Variants in CDH7 observed in about 807,000 individuals in gnomAD.
CDH7 encodes the protein cadherin 7, also known as cadherin-7.
Under a neutral mutation model 71.8 loss-of-function variants are expected in CDH7, and 25 were observed. The ratio of observed to expected loss-of-function variants is 0.35; its 90% CI spans 0.25 to 0.49. CDH7 has a LOEUF of 0.49. CDH7 is among the 20% of genes least tolerant of loss of function. CDH7 has a pLI of 0.99. For synonymous variants in CDH7, 381 were observed against 363.8 expected (o/e 1.05, Z -0.54); for missense variants, 862 against 974.6 (o/e 0.88, Z 1.54).
At chr18:65,765,418 G>T (rs942696587) in intron 2 of CDH7, among the ~76,000 whole-genome samples, 2 of 151,030 alleles carry the variant, frequency 1.3e-5, no homozygotes, top group Non-Finnish European at 1.5e-5. Flanking sequence ...ACTTAAGTAC[G>T]TTTTTTATTA....
In CDH7 at chr18:65,822,147, A is replaced by G; in HGVS notation, c.692A>G (p.Gln231Arg). ...EAKDQYLLVI[Q>R]AKDMVGQNGG... ...AAAGACCAGTATTTGCTTGTCATTC[A>G]GGCAAAGGATATGGTTGGTCAAAAT... is the stretch of plus-strand genomic sequence containing the variant. Residue 231 changes from glutamine (Q) to arginine (R), a missense_variant, in exon 5 of 12, where the codon CAG becomes CGG. Gln to Arg is a conservative substitution (Grantham distance 43, BLOSUM62 1). Transcript: ENST00000397968. 1 of 1,612,430 alleles carries G rather than the reference A, an allele frequency of 6.2e-7. No individual in the cohort carries two copies. Among genetic ancestry groups the G allele is most frequent in the Non-Finnish European group, 8.5e-7 (1 of 1,178,536 alleles).
intron 4 of CDH7, among the ~76,000 whole-genome samples, chr18:65,820,117 A>G (rs960819889): frequency 7.9e-6 from 1 of 126,774 alleles, no homozygotes; most frequent in African/African-American, 2.7e-5. Flanking sequence ...CAATAGCAAT[A>G]TAAGTTTATA....
chr18:65,764,937 T>G (rs1244032971), intron 2 of CDH7, among the ~76,000 whole-genome samples: 1 of 152,108 alleles, frequency 6.6e-6, no homozygotes, highest in Non-Finnish European at 1.5e-5. Flanking sequence ...CCTATGTTAC[T>G]TAAATTCCAT....
At chr18:65,786,732 G>A (rs977504890) in intron 2 of CDH7, among the ~76,000 whole-genome samples, 8 of 151,864 alleles carry the variant, frequency 5.3e-5, no homozygotes, top group Admixed American at 6.6e-5. Flanking sequence ...TGCCCAGGCC[G>A]GAGTGCAGTG....
At chr18:65,819,364 C>A (rs1288210155) in intron 4 of CDH7, among the ~76,000 whole-genome samples, 1 of 152,136 alleles carries the variant, frequency 6.6e-6, no homozygotes, top group Non-Finnish European at 1.5e-5. Flanking sequence ...CACTGCTCCA[C>A]AAAGAGCGGT....
chr18:65,829,708 C>T, intron 6 of CDH7, among the ~76,000 whole-genome samples: 1 of 150,312 alleles, frequency 6.7e-6, no homozygotes, highest in South Asian at 2.1e-4. Context: ...CCTATTTTTC[C>T]TTTAAACAAT....
At chr18:65,842,861 T>TTTC (rs397724557) in intron 6 of CDH7, among the ~76,000 whole-genome samples, 4 of 150,790 alleles carry the variant, frequency 2.7e-5, no homozygotes, top group South Asian at 4.2e-4. Context: ...GTTTTTTTTT[T>TTTC]CACTGTTTTT....
intron 11 of CDH7, among the ~76,000 whole-genome samples, chr18:65,878,588 C>T (rs758944110): frequency 7.9e-5 from 12 of 152,108 alleles, no homozygotes; most frequent in Non-Finnish European, 1.6e-4. Flanking sequence ...AGGTGAATAC[C>T]AGACTACTTA....
intron 2 of CDH7, among the ~76,000 whole-genome samples, chr18:65,782,139 T>TCCC (rs1910318303): frequency 9.8e-6 from 1 of 101,738 alleles, no homozygotes; most frequent in African/African-American, 6.0e-5. Context: ...TCTTTCTTTC[T>TCCC]TTCTTTCTTT....
chr18:65,850,261 G>T (rs1263264856), intron 7 of CDH7, among the ~76,000 whole-genome samples: 2 of 149,688 alleles, frequency 1.3e-5, no homozygotes, highest in African/African-American at 4.9e-5. Flanking sequence ...GTAAATCATA[G>T]AGAATTATTC....
In CDH7 at chr18:65,882,102, A is replaced by G. The variant is rs1914249835; in HGVS notation, c.*1208A>G. The G allele has an allele frequency of 1.3e-5, 2 of 152,152 alleles. No homozygotes were observed. The allele number at this position is 152,152 out of a possible 1,614,324, so 9.4% of individuals were successfully genotyped here. On this transcript the variant is annotated 3_prime_UTR_variant, in exon 12 of 12. Transcript: ENST00000397968. ...TATTGAGTAAAATATTGAGTTTTTA[A>G]AAGTCTTAATATAATGTTATAAAAA... is the stretch of plus-strand genomic sequence containing the variant.
At chr18:65,874,085 G>A (rs117246711) in intron 11 of CDH7, among the ~76,000 whole-genome samples, 2,184 of 152,140 alleles carry the variant, frequency 0.014, 24 homozygotes, top group South Asian at 0.044. Flanking sequence ...TAAATCTGTA[G>A]AAAGCAAAGT....
At chr18:65,837,624 G>T (rs1036881793) in intron 6 of CDH7, among the ~76,000 whole-genome samples, 2 of 152,038 alleles carry the variant, frequency 1.3e-5, no homozygotes, top group Non-Finnish European at 1.5e-5. Context: ...GCAGAAAAAA[G>T]ATTTACAATG....
In CDH7 at chr18:65,782,106, CCT is replaced by C. The variant is rs1568182506; in HGVS notation, c.210+19055_210+19056del. On this transcript the variant is annotated intron_variant, in intron 2 of 11. Transcript: ENST00000397968. Reference sequence around the variant, plus strand: ...TCCTTCCTTCCTTCCTTCCTTCCTTCCTTCTTTCTTTCTTTCTTTCTTTCTTT... The same window carrying C: ...TCCTTCCTTCCTTCCTTCCTTCCTTCTCTTTCTTTCTTTCTTTCTTTCTTT... 7.9e-4 allele frequency among the ~76,000 whole-genome samples: 47 copies of C among 59,432 alleles called. 9 individuals carry two copies. The highest frequency in any genetic ancestry group is 0.01 in the Middle Eastern group (1 of 100). The allele number at this position is 59,432 out of a possible 152,430, so 39.0% of individuals were successfully genotyped here.
chr18:65,773,209 T>C (rs1452998663), intron 2 of CDH7, among the ~76,000 whole-genome samples: 9 of 152,124 alleles, frequency 5.9e-5, no homozygotes, highest in Admixed American at 5.9e-4. Context: ...ATCTTGGAAT[T>C]CACCAAAAAG....
Position 65,824,842 on chromosome 18 carries a change from C to A in CDH7, c.981+11C>A, listed in dbSNP as rs765041563. On this transcript the variant is annotated intron_variant, in intron 6 of 11. Coordinates refer to ENST00000397968, the MANE Select transcript of CDH7 (RefSeq NM_004361.5). ...ATTACTATACAGAAGGTAATGTTTTCTTTATTTATCTTTTATCACAGATTA... is the reference window on the plus strand; with the variant it reads ...ATTACTATACAGAAGGTAATGTTTTATTTATTTATCTTTTATCACAGATTA... The A allele has an allele frequency of 6.5e-7, 1 of 1,545,056 alleles. No individual in the cohort carries two copies. The highest frequency in any genetic ancestry group is 1.2e-5 in the South Asian group (1 of 84,440).
chr18:65,785,715 T>C (rs1312786485), intron 2 of CDH7, among the ~76,000 whole-genome samples: 1 of 152,150 alleles, frequency 6.6e-6, no homozygotes, highest in Non-Finnish European at 1.5e-5. Flanking sequence ...GTATACATTA[T>C]GGAGGGAGTA....
chr18:65,772,284 T>G (rs1351528489), intron 2 of CDH7, among the ~76,000 whole-genome samples: 1 of 152,142 alleles, frequency 6.6e-6, no homozygotes, highest in Non-Finnish European at 1.5e-5. Context: ...GAAGAAAAGA[T>G]TACACATTCC....
chr18:65,763,114 A>T (rs1916250248), intron 2 of CDH7, 62 bp downstream of exon 2: 1 of 1,006,684 alleles, frequency 9.9e-7, no homozygotes, highest in Admixed American at 2.5e-5. Context: ...GGTTTGATGA[A>T]AAACTGCTAT....
Sources: gnomAD v4.1 joint callset for allele counts (sites outside exome capture counted in the v4.1 genomes callset) on GRCh38, gnomAD v4.1.1 for gene constraint, MANE v1.5 for transcripts, NCBI Gene and HGNC (gene_info 2026-07-23, HGNC 2026-07-21) for gene names.